Variants in COL6A1 observed in about 807,000 individuals in gnomAD.
COL6A1 encodes the protein collagen type VI alpha 1 chain.
A neutral mutation model predicts 145.6 loss-of-function variants in COL6A1; 80 were observed. That is an observed-to-expected ratio of 0.55 (90% confidence interval 0.46 to 0.66). The LOEUF is 0.66. COL6A1 is among the 30% of genes least tolerant of loss of function. The pLI, the probability that COL6A1 is intolerant of heterozygous loss-of-function variation, is 0.00. For synonymous variants in COL6A1, 638 were observed against 622.8 expected (o/e 1.02, Z -0.36); for missense variants, 1,364 against 1,473.8 (o/e 0.93, Z 1.22).
rs1569518488 is a variant in COL6A1 at position 45,994,332 on chromosome 21, G to T, written c.1398+103G>T. 6 of 1,149,162 alleles carry T rather than the reference G, an allele frequency of 5.2e-6. No homozygotes were observed. The East Asian group carries it at 7.7e-5, about 15-fold the overall frequency. The allele number at this position is 1,149,162 out of a possible 1,614,324, so 71.2% of individuals were successfully genotyped here. On this transcript the variant is annotated intron_variant, in intron 20 of 34. Transcript: ENST00000361866. This position sits in a 1 kb window ranked among gnomAD's most constrained non-coding sequence, Gnocchi z 6.8. ...TGGGGGTCTGTTCATTTCCGTTTGA[G>T]GGCCTCTGTGTTTCCGTAGATCTCG...
rs1459487914 is a variant in COL6A1, at chr21:46,002,391, C to G, written c.2240C>G (p.Pro747Arg). 1 of 1,601,288 alleles carries G rather than the reference C, an allele frequency of 6.2e-7. No homozygotes were observed. Among genetic ancestry groups the G allele is most frequent in the Non-Finnish European group, 8.5e-7 (1 of 1,174,268 alleles). ...ACACCGCTCAACGTGCTCTGCAGCC[C>G]CGGCATCCAGGTGGGGTGGCCACCC... The part of the protein sequence containing the change: ...DTTPLNVLCS[P>R]GIQVVSVGIK... Residue 747 changes from proline (P) to arginine (R), a missense_variant, in exon 32 of 35, where the codon CCC becomes CGC. Coordinates refer to ENST00000361866, the MANE Select transcript of COL6A1 (RefSeq NM_001848.3).
At chr21:45,998,545 G>C (rs955241559) in intron 24 of COL6A1, 112 bp downstream of exon 24, 49 of 1,440,144 alleles carry the variant, frequency 3.4e-5, no homozygotes, top group Non-Finnish European at 4.5e-5. Flanking sequence ...AACACACGGG[G>C]TACACAGGCA....
chr21:45,991,136 A>G, intron 15 of COL6A1, 95 bp downstream of exon 15: 1 of 1,407,570 alleles, frequency 7.1e-7, no homozygotes, highest in Non-Finnish European at 1.0e-6. Flanking sequence ...TGGTCCGAGC[A>G]TGTCGGCCAC....
At chr21:46,001,162 G>A in intron 29 of COL6A1, 91 bp from the exon 30 acceptor site, 1 of 1,537,220 alleles carries the variant, frequency 6.5e-7, no homozygotes. Context: ...GTGAGGATGT[G>A]GCAGCCAAGG....
chr21:46,001,029 C>A, intron 29 of COL6A1: 1 of 715,572 alleles, frequency 1.4e-6, no homozygotes, highest in Non-Finnish European at 2.3e-6. Flanking sequence ...GGCCCACAGG[C>A]CCCACCCTAG....
In COL6A1 at chr21:45,992,381, G is replaced by A. The variant is rs745485695; in HGVS notation, c.1255G>A (p.Gly419Ser). The change falls in exon 18 of 35, where the codon GGT (glycine) becomes AGT (serine). Residue 419 changes from glycine (G) to serine (S), a missense_variant. This residue lies in a region of COL6A1 where 938 missense variants were observed against 1,003.8 expected (regional missense o/e 0.93). Transcript: ENST00000361866. ...AGDEGNPGPD[G>S]APGERGGPGE... is the part of the protein sequence containing the mutation. ...ATCCCAGGGGAACCCAGGACCTGAC[G>A]GTGCCCCCGGGGAGCGGGTGAGTGG... is the stretch of plus-strand genomic sequence containing the variant. 7 of 1,613,490 alleles carry A rather than the reference G, an allele frequency of 4.3e-6. No homozygotes were observed. Among genetic ancestry groups the A allele is most frequent in the East Asian group, 2.2e-5 (1 of 44,884 alleles).
intron 21 of COL6A1, 70 bp downstream of exon 21, chr21:45,997,553 C>A: frequency 6.4e-7 from 1 of 1,565,868 alleles, no homozygotes; most frequent in Non-Finnish European, 8.8e-7. Context: ...ACTGTCTGCC[C>A]AGTGCTGGCC....
rs2123475472 is a variant in COL6A1 at position 45,992,758 on chromosome 21, G to C, written c.1283G>C (p.Gly428Ala). The C allele has an allele frequency of 6.3e-7, 1 of 1,597,132 alleles. No homozygotes were observed. The highest frequency in any genetic ancestry group is 8.5e-7 in the Non-Finnish European group (1 of 1,172,438). Reference protein sequence around the residue: ...DGAPGERGGPGERGPRGTPGT... With the variant: ...DGAPGERGGPAERGPRGTPGT... ...TGTCTCTCCACTCAGGGTGGCCCTG[G>C]AGAGAGAGGACCACGGGGGACCCCA... Residue 428 changes from glycine to alanine, a missense_variant, in exon 19 of 35, where the codon GGA becomes GCA. Around this residue, in one of 3 missense-constraint regions of COL6A1, gnomAD observed 938 missense variants for 1,003.8 expected, o/e 0.93. Transcript: ENST00000361866.
rs759217203 is a variant in COL6A1 at position 46,003,911 on chromosome 21, C to A, written c.2985C>A (p.Asp995Glu). Reference sequence around the variant, plus strand: ...TCACCGGCAAGACGGCCGAGTACGACGTGGCCTACGGCGAGAGCCACCTGT... The same window carrying A: ...TCACCGGCAAGACGGCCGAGTACGAAGTGGCCTACGGCGAGAGCCACCTGT... ...VLVTGKTAEY[D>E]VAYGESHLFR... Residue 995 changes from aspartate (D) to glutamate (E), a missense_variant, in exon 35 of 35, where the codon GAC becomes GAA. This residue lies in a region of COL6A1 where 938 missense variants were observed against 1,003.8 expected (regional missense o/e 0.93). Transcript: ENST00000361866. The A allele has an allele frequency of 4.4e-6, 7 of 1,605,368 alleles. No homozygotes were observed. The highest frequency in any genetic ancestry group is 5.1e-6 in the Non-Finnish European group (6 of 1,174,332).
At position 45,984,372 on chromosome 21, in the gene COL6A1, G is replaced by A. The variant is rs1309822720; in HGVS notation, c.331G>A (p.Asp111Asn). ...QGLTRMPGGR[D>N]ALKSSVDAVK... ...CCTCACGCGCATGCCTGGCGGCCGC[G>A]ACGCACTCAAAAGCAGCGTGGACGC... The change falls in exon 3 of 35, where the codon GAC becomes AAC. Residue 111 changes from aspartate to asparagine, a missense_variant. Around this residue, in one of 3 missense-constraint regions of COL6A1, gnomAD observed 414 missense variants for 437.6 expected, o/e 0.95. Transcript: ENST00000361866. 15 of 1,612,594 alleles carry A rather than the reference G, an allele frequency of 9.3e-6. No homozygotes were observed. Among genetic ancestry groups the A allele is most frequent in the Admixed American group, 6.7e-5 (4 of 60,002 alleles).
chr21:45,982,169 G>GACCGGACCGC (rs2077711483), intron 1 of COL6A1, among the ~76,000 whole-genome samples: 1 of 152,162 alleles, frequency 6.6e-6, no homozygotes, highest in African/African-American at 2.4e-5. Flanking sequence ...AGCGGGGCCG[G>GACCGGACCGC]ACCGCAGGCA....
chr21:46,003,323 C>T (rs1466870152), intron 34 of COL6A1, 68 bp from the exon 35 acceptor site: 4 of 1,600,902 alleles, frequency 2.5e-6, no homozygotes, highest in Non-Finnish European at 3.4e-6. Flanking sequence ...CTTAGACGCT[C>T]TCTGGCCGGC....
At chr21:45,998,720 G>A (rs374889665) in intron 24 of COL6A1, among the ~76,000 whole-genome samples, 177 bp from the exon 25 acceptor site, 1 of 152,228 alleles carries the variant, frequency 6.6e-6, no homozygotes, top group African/African-American at 2.4e-5. Context: ...CCCAGAGGCC[G>A]CCCCACGGCT....
At chr21:45,985,433 G>A (rs779557159) in intron 3 of COL6A1, among the ~76,000 whole-genome samples, 8 of 152,196 alleles carry the variant, frequency 5.3e-5, no homozygotes, top group Non-Finnish European at 1.0e-4. Flanking sequence ...GGAAACAGAG[G>A]CAGAGAGACT....
Position 46,002,214 on chromosome 21 carries a change from G to A in COL6A1, c.2067-4G>A. 1 of 1,599,366 alleles carries A rather than the reference G, an allele frequency of 6.3e-7. No homozygotes were observed. Among genetic ancestry groups the A allele is most frequent in the Non-Finnish European group, 8.5e-7 (1 of 1,176,182 alleles). On this transcript the variant is annotated splice_polypyrimidine_tract_variant and splice_region_variant and intron_variant, in intron 31 of 34. Coordinates refer to ENST00000361866, the MANE Select transcript of COL6A1 (RefSeq NM_001848.3). ...ACCGGCCCTTCCTGCCCTTTGCTAT[G>A]CAGAGCCATCAAGAGCCTGCAGTGG...
rs563496247 is a variant in COL6A1, at chr21:46,004,641, A to G, written c.*628A>G. On this transcript the variant is annotated 3_prime_UTR_variant, in exon 35 of 35. Transcript: ENST00000361866. ...AAGGTCAGGAGGCCGTTGCAGACAT[A>G]AATCTCGGCGACTCGGCCCCGTCTC... 9 of 431,362 alleles carry G rather than the reference A, an allele frequency of 2.1e-5. No individual in the cohort carries two copies. Among genetic ancestry groups the G allele is most frequent in the South Asian group, 1.3e-4 (8 of 60,986 alleles). 26.7% of individuals were successfully genotyped at this position (431,362 alleles called of 1,614,324 possible).
Position 46,004,113 on chromosome 21 carries a change from TCG to T in COL6A1, c.*102_*103del, listed in dbSNP as rs897630452. 2.7e-6 allele frequency: 4 copies of T among 1,495,188 alleles called. No homozygotes were observed. In the African/African-American group the frequency reaches 4.1e-5, roughly 15 times the overall value. The allele number at this position is 1,495,188 out of a possible 1,614,324, so 92.6% of individuals were successfully genotyped here. The stretch of plus-strand genomic sequence containing the variant: ...TGCGAATTTTCCCGACCAACCTGAT[TCG>T]CTAGATTTTTTTTAAGGAAAAGCTT... On this transcript the variant is annotated 3_prime_UTR_variant, in exon 35 of 35. Transcript: ENST00000361866.
chr21:46,002,809 G>A (rs959693518), intron 33 of COL6A1, 99 bp downstream of exon 33: 11 of 1,392,404 alleles, frequency 7.9e-6, no homozygotes, highest in South Asian at 3.6e-5. Context: ...GGGGCCGCCC[G>A]GGCAGTCCCA....
rs150509473 is a variant in COL6A1, at chr21:46,003,960, C to T, written c.3034C>T (p.Leu1012=). 44 of 1,612,920 alleles carry T rather than the reference C, an allele frequency of 2.7e-5. No individual in the cohort carries two copies. The African/African-American group carries it at 5.6e-4, about 21-fold the overall frequency. The part of the protein sequence containing the change: ...HLFRVPSYQA[L]LRGVFHQTVS... ...GTTCCGTGTCCCCAGCTACCAGGCC[C>T]TGCTCCGCGGTGTCTTCCACCAGAC... is the stretch of plus-strand genomic sequence containing the variant. The change falls in exon 35 of 35, where the codon CTG becomes TTG. Residue 1012 remains leucine (L), a synonymous_variant. Transcript: ENST00000361866.
Sources: allele counts gnomAD v4.1 joint callset (sites outside exome capture counted in the v4.1 genomes callset), GRCh38; gene constraint gnomAD v4.1.1; regional missense constraint gnomAD v4.1.1; non-coding constraint Gnocchi (gnomAD v3.1); transcripts MANE v1.5; gene names NCBI Gene and HGNC (gene_info 2026-07-23, HGNC 2026-07-21).